The following C2orf80 variants were observed in gnomAD, a reference collection of about 807,000 sequenced individuals.
C2orf80 encodes the protein uncharacterized protein C2orf80.
Under a neutral mutation model 30.2 loss-of-function variants are expected in C2orf80, and 28 were observed. The observed-to-expected ratio is 0.93, with a 90% CI of 0.69 to 1.27. The LOEUF (loss-of-function observed/expected upper bound fraction) is 1.27, where lower values mean the gene tolerates loss of function less well. Among genes scored for constraint, C2orf80 ranks in the 50% most tolerant of loss-of-function variants. The probability of loss-of-function intolerance (pLI) is 0.00; values close to 1 mark genes in which losing one functional copy is unlikely to be tolerated. For synonymous variants in C2orf80, 80 were observed against 76.4 expected (o/e 1.05, Z -0.24); for missense variants, 220 against 231.0 (o/e 0.95, Z 0.31).
intron 6 of C2orf80, among the ~76,000 whole-genome samples, chr2:208,176,902 T>C (rs796801689): frequency 1.1e-5 from 1 of 91,170 alleles, no homozygotes; most frequent in African/African-American, 4.8e-5. Flanking sequence ...TATATATACA[T>C]ATCTGTGTAT....
chr2:208,167,496 T>A lies in C2orf80; in HGVS notation c.574-1681A>T, dbSNP rs531022086. Among the ~76,000 whole-genome samples, 22 of 151,932 alleles carry A rather than the reference T, an allele frequency of 1.4e-4. No individual in the cohort carries two copies. In the South Asian group the frequency reaches 4.2e-3, roughly 29 times the overall value. ...GAGATAACACCACTGCACTCCAGCC[T>A]GGGCAACAAAGCAAGACTCTGTCTC... On this transcript the variant is annotated intron_variant, in intron 8 of 8. Transcript: ENST00000341287.
At chr2:208,170,879 G>T in intron 8 of C2orf80, 66 bp downstream of exon 8, 1 of 1,277,378 alleles carries the variant, frequency 7.8e-7, no homozygotes, top group South Asian at 1.2e-5. Context: ...TTTTAACCAC[G>T]GTATCAGGAA....
intron 8 of C2orf80, among the ~76,000 whole-genome samples, chr2:208,167,438 C>A (rs950175737): frequency 3.3e-5 from 5 of 151,762 alleles, no homozygotes; most frequent in African/African-American, 1.2e-4. Context: ...AGGAGAATCG[C>A]TTAAACCCGG....
chr2:208,167,190 C>T (rs949338273), intron 8 of C2orf80, among the ~76,000 whole-genome samples: 13 of 151,940 alleles, frequency 8.6e-5, no homozygotes, highest in African/African-American at 3.1e-4. Flanking sequence ...CCACTACTGA[C>T]GCTTTCCTAG....
At chr2:208,181,172 G>A (rs764139156) in intron 5 of C2orf80, 46 bp downstream of exon 5, 3 of 1,255,922 alleles carry the variant, frequency 2.4e-6, no homozygotes, top group Non-Finnish European at 3.5e-6. Flanking sequence ...AATGCTCAGA[G>A]TAGATATGAA....
At chr2:208,178,610 G>A (rs1178401568) in intron 6 of C2orf80, among the ~76,000 whole-genome samples, 1 of 152,078 alleles carries the variant, frequency 6.6e-6, no homozygotes, top group African/African-American at 2.4e-5. Context: ...TAGGATATAA[G>A]ATCTATAAGA....
intron 7 of C2orf80, among the ~76,000 whole-genome samples, chr2:208,171,312 T>TTTTA (rs1434345957): frequency 1.1e-4 from 17 of 151,806 alleles, no homozygotes; most frequent in South Asian, 6.3e-4. Flanking sequence ...TGGCCAGCTA[T>TTTTA]TTTATTTATT....
intron 8 of C2orf80, among the ~76,000 whole-genome samples, chr2:208,169,418 A>G (rs1696021473): frequency 1.3e-5 from 2 of 152,194 alleles, no homozygotes. Flanking sequence ...CTTCAGAAAC[A>G]AAGATATGGT....
chr2:208,187,211 C>T, intron 1 of C2orf80, 150 bp from the exon 2 acceptor site: 4 of 514,326 alleles, frequency 7.8e-6, no homozygotes, highest in Non-Finnish European at 6.9e-6. Context: ...CACCTGGAGG[C>T]TCATGCACTG....
At chr2:208,185,767 T>C (rs1696700607) in intron 2 of C2orf80, among the ~76,000 whole-genome samples, 1 of 152,196 alleles carries the variant, frequency 6.6e-6, no homozygotes. Flanking sequence ...TTCTGAGTCA[T>C]TAAGCTTAAC....
At chr2:208,180,715 C>T in intron 6 of C2orf80, 30 bp downstream of exon 6, 1 of 1,551,632 alleles carries the variant, frequency 6.4e-7, no homozygotes, top group Non-Finnish European at 8.9e-7. Flanking sequence ...CTAAAAATCC[C>T]TTCTATTGAC....
chr2:208,174,297 G>A (rs750086494), intron 6 of C2orf80, among the ~76,000 whole-genome samples: 22 of 152,052 alleles, frequency 1.4e-4, no homozygotes, highest in Non-Finnish European at 2.6e-4. Flanking sequence ...TTAAAACATA[G>A]GTCCCTCCCC....
chr2:208,177,546 A>G (rs1431311508), intron 6 of C2orf80, among the ~76,000 whole-genome samples: 2 of 152,014 alleles, frequency 1.3e-5, no homozygotes, highest in Non-Finnish European at 2.9e-5. Context: ...CATCTCAAGA[A>G]AAAAACAAAC....
At chr2:208,169,371 A>T (rs1696020459) in intron 8 of C2orf80, among the ~76,000 whole-genome samples, 1 of 152,000 alleles carries the variant, frequency 6.6e-6, no homozygotes, top group East Asian at 1.9e-4. Context: ...AAACACGTAT[A>T]AAAAATGACC....
chr2:208,172,906 C>A (rs935869588), intron 6 of C2orf80, among the ~76,000 whole-genome samples: 1 of 151,886 alleles, frequency 6.6e-6, no homozygotes, highest in Non-Finnish European at 1.5e-5. Context: ...CATCTGAGGT[C>A]AGGAGTTCAA....
rs1696547191 is a variant in C2orf80 at position 208,181,216 on chromosome 2, A to C, written c.294+2T>G. On this transcript the variant is annotated splice_donor_variant, in intron 5 of 8. Coordinates refer to ENST00000341287, the MANE Select transcript of C2orf80 (RefSeq NM_001099334.3). LOFTEE classifies it high-confidence loss of function. ...ATAGGCAGATAGTATTCTTTTCCTT[A>C]CCATTAAGATTCCAGCATAAGATGA... 6.3e-7 allele frequency: 1 copy of C among 1,576,654 alleles called. No homozygotes were observed. Among genetic ancestry groups the C allele is most frequent in the Non-Finnish European group, 8.7e-7 (1 of 1,146,482 alleles).
At chr2:208,179,704 T>TTC (rs1696489003) in intron 6 of C2orf80, among the ~76,000 whole-genome samples, 1 of 21,668 alleles carries the variant, frequency 4.6e-5, no homozygotes, top group African/African-American at 5.8e-5. Context: ...CAGAACACCC[T>TTC]TTTTTTTTTT....
intron 6 of C2orf80, among the ~76,000 whole-genome samples, chr2:208,177,221 C>G (rs183089033): frequency 1.4e-5 from 2 of 147,588 alleles, no homozygotes; most frequent in Non-Finnish European, 3.0e-5. Context: ...TATAATCGAG[C>G]CATCATTCAC....
At chr2:208,172,386 T>C (rs1276443781) in intron 6 of C2orf80, among the ~76,000 whole-genome samples, 2 of 152,172 alleles carry the variant, frequency 1.3e-5, no homozygotes, top group African/African-American at 4.8e-5. Context: ...CACCTACCTC[T>C]CTTTTATCAT....
Sources: allele counts gnomAD v4.1 joint callset (sites outside exome capture counted in the v4.1 genomes callset), GRCh38; gene constraint gnomAD v4.1.1; transcripts MANE v1.5; gene names NCBI Gene and HGNC (gene_info 2026-07-23, HGNC 2026-07-21).